SP100: variants seen among roughly 807,000 people sequenced by gnomAD.
SP100 encodes the protein SP100 nuclear body protein.
SP100 carries 84 observed loss-of-function variants against 130.0 expected under a neutral mutation model. The observed-to-expected ratio is 0.65, with a 90% CI of 0.54 to 0.77. The LOEUF is 0.77. Among genes scored for constraint, SP100 ranks in the 30% least tolerant of loss-of-function variants. The pLI is 0.00. For missense variants in SP100, 978 were observed against 1,052.2 expected, an observed-to-expected ratio of 0.93 and a Z score of 0.97; for synonymous variants, 331 against 351.7, an observed-to-expected ratio of 0.94 and a Z score of 0.66.
chr2:230,494,958 G>C (rs2066584840), intron 18 of SP100, among the ~76,000 whole-genome samples: 1 of 152,178 alleles, frequency 6.6e-6, no homozygotes, highest in South Asian at 2.1e-4. Flanking sequence ...GAATGATTAT[G>C]GGTGACAAAT....
intron 2 of SP100, among the ~76,000 whole-genome samples, chr2:230,438,188 G>T (rs750938284): frequency 1.6e-4 from 25 of 151,900 alleles, no homozygotes; most frequent in Non-Finnish European, 3.1e-4. Flanking sequence ...CAATATTGAT[G>T]ATTCTTTTTC....
At chr2:230,480,990 G>C (rs1452710845) in intron 17 of SP100, among the ~76,000 whole-genome samples, 1 of 151,208 alleles carries the variant, frequency 6.6e-6, no homozygotes, top group Non-Finnish European at 1.5e-5. Context: ...GTCATTTGCT[G>C]GTGATGTTGG....
At chr2:230,514,724 C>T (rs775287385) in intron 24 of SP100, among the ~76,000 whole-genome samples, 5 of 151,506 alleles carry the variant, frequency 3.3e-5, no homozygotes, top group Non-Finnish European at 7.4e-5. Flanking sequence ...GGAACTTTTT[C>T]GTTAGACATT....
At chr2:230,532,720 T>A (rs1192109985) in intron 24 of SP100, among the ~76,000 whole-genome samples, 1 of 152,218 alleles carries the variant, frequency 6.6e-6, no homozygotes, top group Non-Finnish European at 1.5e-5. Flanking sequence ...ACCTAATTAG[T>A]TGTCAGTACT....
chr2:230,459,749 T>A (rs547325643), intron 8 of SP100, among the ~76,000 whole-genome samples: 1 of 152,194 alleles, frequency 6.6e-6, no homozygotes, highest in Non-Finnish European at 1.5e-5. Context: ...CCCCTGTCAC[T>A]CTCACTAAAA....
At chr2:230,419,682 G>A (rs1281258108) in intron 2 of SP100, among the ~76,000 whole-genome samples, 1 of 152,138 alleles carries the variant, frequency 6.6e-6, no homozygotes, top group Non-Finnish European at 1.5e-5. Context: ...TGTTATAGTT[G>A]ATCTACTTTA....
rs751177961 is a variant in SP100 at position 230,540,998 on chromosome 2, T to C, written c.2331+2T>C. ...CAGATGCTGCCTGAGGAGCAGTTGGTGAGTAAAAATGTGAACCTGAAGCCT... is the reference window on the plus strand; with the variant it reads ...CAGATGCTGCCTGAGGAGCAGTTGGCGAGTAAAAATGTGAACCTGAAGCCT... On this transcript the variant is annotated splice_donor_variant, in intron 26 of 28. Transcript: ENST00000340126. LOFTEE classifies it high-confidence loss of function. 1.2e-6 allele frequency: 2 copies of C among 1,607,720 alleles called. No individual in the cohort carries two copies. Among genetic ancestry groups the C allele is most frequent in the Admixed American group, 3.4e-5 (2 of 59,384 alleles).
intron 24 of SP100, chr2:230,520,480 G>A (rs141968415): frequency 6.6e-6 from 1 of 152,308 alleles, no homozygotes; most frequent in African/African-American, 2.4e-5. Flanking sequence ...CAAAAAACCA[G>A]AACTTCCACC....
chr2:230,449,769 G>A, intron 7 of SP100, 59 bp downstream of exon 7: 1 of 1,575,862 alleles, frequency 6.3e-7, no homozygotes, highest in Non-Finnish European at 8.7e-7. Context: ...GCTGGTGGCA[G>A]AGGAAGAGTC....
In SP100 at chr2:230,542,928, C is replaced by T. The variant is rs1223571533; in HGVS notation, c.2640C>T (p.Asn880=). 1 of 1,591,168 alleles carries T rather than the reference C, an allele frequency of 6.3e-7. No individual in the cohort carries two copies. The highest frequency in any genetic ancestry group is 8.6e-7 in the Non-Finnish European group (1 of 1,159,172). The change falls in exon 29 of 29, where the codon AAC becomes AAT. Residue 880 remains asparagine, a synonymous_variant. Coordinates refer to ENST00000340126, the MANE Select transcript of SP100 (RefSeq NM_001080391.2). ...NIFAIQETSK[N]IIMFI Reference sequence around the variant, plus strand: ...TTGCAATTCAGGAAACAAGCAAGAACATTATAATGTTTATTTAGCCATTCT... The same window carrying T: ...TTGCAATTCAGGAAACAAGCAAGAATATTATAATGTTTATTTAGCCATTCT...
intron 24 of SP100, chr2:230,515,372 A>G: frequency 2.5e-6 from 4 of 1,613,966 alleles, no homozygotes; most frequent in Non-Finnish European, 3.4e-6. Context: ...AAAGGAGAAC[A>G]TCCTGGCCTG....
chr2:230,494,554 A>G (rs2062287506), intron 18 of SP100, 94 bp downstream of exon 18: 7 of 903,590 alleles, frequency 7.7e-6, no homozygotes, highest in Admixed American at 7.6e-5. Flanking sequence ...AGAATCTCCT[A>G]TGGGCCACGG....
At chr2:230,531,107 G>A (rs1283363450) in intron 24 of SP100, among the ~76,000 whole-genome samples, 1 of 152,090 alleles carries the variant, frequency 6.6e-6, no homozygotes, top group African/African-American at 2.4e-5. Context: ...CTACTATAAA[G>A]ACACATGCAC....
At chr2:230,469,203 G>T in intron 14 of SP100, 107 bp downstream of exon 14, 1 of 698,488 alleles carries the variant, frequency 1.4e-6, no homozygotes. Flanking sequence ...AATTTGTTGG[G>T]ATTTTAGATG....
intron 6 of SP100, 105 bp downstream of exon 6, chr2:230,449,255 GT>G: frequency 8.7e-7 from 1 of 1,143,948 alleles, no homozygotes; most frequent in Non-Finnish European, 1.3e-6. Context: ...GAATTTTCAG[GT>G]TTTACATCTA....
chr2:230,441,135 T>C (rs2063451931), intron 2 of SP100, among the ~76,000 whole-genome samples: 3 of 152,024 alleles, frequency 2.0e-5, no homozygotes, highest in African/African-American at 7.2e-5. Flanking sequence ...TAAGTAAAAT[T>C]GAATAATATA....
intron 21 of SP100, among the ~76,000 whole-genome samples, chr2:230,505,083 C>T (rs1354434121): frequency 6.6e-6 from 1 of 152,160 alleles, no homozygotes; most frequent in Non-Finnish European, 1.5e-5. Context: ...CTCCTAAAAT[C>T]CAAATTCCTA....
At chr2:230,458,659 A>G (rs1288732422) in intron 8 of SP100, among the ~76,000 whole-genome samples, 1 of 152,200 alleles carries the variant, frequency 6.6e-6, no homozygotes, top group African/African-American at 2.4e-5. Context: ...AGATTTGCAA[A>G]GGAAGGAAGC....
rs776145745 is a variant in SP100, at chr2:230,416,295, A to G, written c.-2A>G. On this transcript the variant is annotated 5_prime_UTR_variant, in exon 1 of 29. Coordinates refer to ENST00000340126, the MANE Select transcript of SP100 (RefSeq NM_001080391.2). Reference sequence around the variant, plus strand: ...GGCCCACGCAGGGCCTAGGGTGGGAAGATGGCAGGTGGGGGCGGCGACCTG... The same window carrying G: ...GGCCCACGCAGGGCCTAGGGTGGGAGGATGGCAGGTGGGGGCGGCGACCTG... 2 of 1,613,408 alleles carry G rather than the reference A, an allele frequency of 1.2e-6. No individual in the cohort carries two copies. The highest frequency in any genetic ancestry group is 1.3e-5 in the African/African-American group (1 of 75,024).
Sources: allele counts gnomAD v4.1 joint callset (sites outside exome capture counted in the v4.1 genomes callset), GRCh38; gene constraint gnomAD v4.1.1; transcripts MANE v1.5; gene names NCBI Gene and HGNC (gene_info 2026-07-23, HGNC 2026-07-21).